ATP8A1: variants seen among roughly 807,000 people sequenced by gnomAD.
ATP8A1 encodes the protein phospholipid-transporting ATPase IA.
ATP8A1 carries 90 observed loss-of-function variants against 177.7 expected under a neutral mutation model. That is an observed-to-expected ratio of 0.51 (90% CI 0.43 to 0.60). The LOEUF is 0.60. ATP8A1 is among the 20% of genes least tolerant of loss of function. The pLI is 0.00. For synonymous variants in ATP8A1, 493 were observed against 485.9 expected (o/e 1.01, Z -0.19); for missense variants, 1,072 against 1,392.8 (o/e 0.77, Z 3.67).
chr4:42,517,920 C>T (rs1043206794), intron 22 of ATP8A1, among the ~76,000 whole-genome samples: 12 of 152,194 alleles, frequency 7.9e-5, no homozygotes, highest in Admixed American at 7.9e-4. Context: ...TTTCCATATC[C>T]TCCTTCCCAT....
chr4:42,626,816 G>T, intron 2 of ATP8A1, 179 bp downstream of exon 2: 1 of 618,296 alleles, frequency 1.6e-6, no homozygotes. Context: ...GCTATTTCCA[G>T]ATTCTTATGA....
At chr4:42,555,134 T>TA (rs770205592) in intron 16 of ATP8A1, among the ~76,000 whole-genome samples, 1,730 of 81,928 alleles carry the variant, frequency 0.021, 5 homozygotes, top group Middle Eastern at 0.03. Flanking sequence ...TCTATCTATC[T>TA]ATCTAATCTA....
chr4:42,646,592 C>A (rs115561293), intron 1 of ATP8A1, among the ~76,000 whole-genome samples: 3 of 152,126 alleles, frequency 2.0e-5, no homozygotes, highest in Non-Finnish European at 2.9e-5. Context: ...ACCCTGCATA[C>A]CATTGTTTGC....
intron 1 of ATP8A1, among the ~76,000 whole-genome samples, chr4:42,636,156 A>ACGCGCGCGTGCGCG (rs1553920759): frequency 8.8e-5 from 8 of 90,898 alleles, no homozygotes; most frequent in Non-Finnish European, 1.8e-4. Context: ...ACACACACAC[A>ACGCGCGCGTGCGCG]CGCACACACA....
intron 1 of ATP8A1, among the ~76,000 whole-genome samples, chr4:42,634,871 T>C (rs1334902646): frequency 1.3e-5 from 2 of 152,350 alleles, no homozygotes; most frequent in South Asian, 2.1e-4. Flanking sequence ...TTTTATCATC[T>C]GAGTCTCAGC....
At chr4:42,519,291 C>A (rs138849407) in intron 22 of ATP8A1, among the ~76,000 whole-genome samples, 23 of 152,146 alleles carry the variant, frequency 1.5e-4, no homozygotes, top group African/African-American at 4.8e-4. Context: ...GGAGTCTCCC[C>A]CTATGTTCCC....
intron 23 of ATP8A1, 98 bp downstream of exon 23, chr4:42,506,918 C>T: frequency 1.4e-6 from 2 of 1,390,660 alleles, no homozygotes; most frequent in South Asian, 2.7e-5. Context: ...CTTGACATAT[C>T]AAATCTTTTA....
chr4:42,654,676 T>G lies in ATP8A1; in HGVS notation c.49+2149A>C, dbSNP rs550441291. Among the ~76,000 whole-genome samples the G allele has an allele frequency of 3.9e-5, 6 of 152,312 alleles. No individual in the cohort carries two copies. In the South Asian group the frequency reaches 1.2e-3, roughly 32 times the overall value. On this transcript the variant is annotated intron_variant, in intron 1 of 36. Coordinates refer to ENST00000381668, the MANE Select transcript of ATP8A1 (RefSeq NM_006095.2). ...TGCTTTTACTCTAAATCTCTAACTTTAATGTTTTCAAGAGAGATATGATTA... is the reference window on the plus strand; with the variant it reads ...TGCTTTTACTCTAAATCTCTAACTTGAATGTTTTCAAGAGAGATATGATTA...
Position 42,574,680 on chromosome 4 carries a change from C to G in ATP8A1, c.1234G>C (p.Gly412Arg). 1 of 1,606,192 alleles carries G rather than the reference C, an allele frequency of 6.2e-7. No individual in the cohort carries two copies. The highest frequency in any genetic ancestry group is 8.5e-7 in the Non-Finnish European group (1 of 1,177,888). ...TGCATTACATTGCATGTCAGAGTAC[C>G]AGTTTTGTCAGAAAATATGTATTTA... ...QVKYIFSDKTGTLTCNVMQFK... is the reference protein window; with the variant it reads ...QVKYIFSDKTRTLTCNVMQFK... The change falls in exon 14 of 37, where the codon GGT (glycine) becomes CGT (arginine). Residue 412 changes from glycine (G) to arginine (R), a missense_variant. By Grantham distance (125) the Gly-to-Arg change is moderately radical. This residue lies in a region of ATP8A1 where 388 missense variants were observed against 471.7 expected (regional missense o/e 0.82). Coordinates refer to ENST00000381668, the MANE Select transcript of ATP8A1 (RefSeq NM_006095.2).
At chr4:42,489,482 G>A (rs899418146) in intron 24 of ATP8A1, among the ~76,000 whole-genome samples, 3 of 152,212 alleles carry the variant, frequency 2.0e-5, no homozygotes, top group Admixed American at 2.0e-4. Flanking sequence ...AGATGTGATA[G>A]AAATAACATT....
chr4:42,543,553 C>T (rs1307392164), intron 20 of ATP8A1, among the ~76,000 whole-genome samples: 1 of 152,160 alleles, frequency 6.6e-6, no homozygotes, highest in Non-Finnish European at 1.5e-5. Flanking sequence ...AATTTTCCCC[C>T]ATTTCTATGC....
chr4:42,655,966 A>G (rs950363822), intron 1 of ATP8A1, among the ~76,000 whole-genome samples: 1 of 152,262 alleles, frequency 6.6e-6, no homozygotes, highest in Non-Finnish European at 1.5e-5. Flanking sequence ...GGGAGAGGAC[A>G]AACAAACCTT....
chr4:42,576,993 C>T (rs1732527188), intron 12 of ATP8A1, among the ~76,000 whole-genome samples: 1 of 152,158 alleles, frequency 6.6e-6, no homozygotes, highest in Admixed American at 6.5e-5. Context: ...CAAAGGAAGA[C>T]AGTTATAATC....
At chr4:42,438,974 G>C (rs1050388234) in intron 33 of ATP8A1, among the ~76,000 whole-genome samples, 2 of 152,112 alleles carry the variant, frequency 1.3e-5, no homozygotes, top group African/African-American at 4.8e-5. Flanking sequence ...TAGGGAGCAA[G>C]GATTTTCTTT....
At chr4:42,586,702 A>G (rs1733647276) in intron 8 of ATP8A1, among the ~76,000 whole-genome samples, 1 of 152,198 alleles carries the variant, frequency 6.6e-6, no homozygotes. Context: ...GTTCTTAAAT[A>G]TATTTAGGAG....
At chr4:42,625,783 T>A in intron 2 of ATP8A1, 70 bp from the exon 3 acceptor site, 1 of 885,478 alleles carries the variant, frequency 1.1e-6, no homozygotes, top group South Asian at 2.0e-5. Flanking sequence ...AAAGTTCTGT[T>A]ACTAACATAT....
chr4:42,546,333 A>G (rs1728916122), intron 19 of ATP8A1, among the ~76,000 whole-genome samples: 1 of 151,618 alleles, frequency 6.6e-6, no homozygotes, highest in Non-Finnish European at 1.5e-5. Flanking sequence ...TTGCAAGGAC[A>G]AAAAACCAAA....
chr4:42,615,784 G>C (rs895003878), intron 5 of ATP8A1, among the ~76,000 whole-genome samples: 3 of 152,144 alleles, frequency 2.0e-5, no homozygotes, highest in Non-Finnish European at 2.9e-5. Context: ...GACTGTATTT[G>C]AGAGACTATT....
intron 25 of ATP8A1, 42 bp from the exon 26 acceptor site, chr4:42,465,118 A>G: frequency 6.4e-7 from 1 of 1,558,250 alleles, no homozygotes; most frequent in Non-Finnish European, 8.8e-7. Flanking sequence ...TTCTGAAAAA[A>G]GGAATTTTGA....
Sources: gnomAD v4.1 joint callset for allele counts (sites outside exome capture counted in the v4.1 genomes callset) on GRCh38, gnomAD v4.1.1 for gene constraint, gnomAD v4.1.1 regional missense constraint, MANE v1.5 for transcripts, NCBI Gene and HGNC (gene_info 2026-07-23, HGNC 2026-07-21) for gene names.